Variants in FDFT1 observed in about 807,000 individuals in gnomAD.
The protein encoded by FDFT1 is farnesyl-diphosphate farnesyltransferase 1, also known as squalene synthase.
Under a neutral mutation model 46.8 loss-of-function variants are expected in FDFT1, and 68 were observed. The observed-to-expected ratio is 1.45, with a 90% confidence interval of 1.19 to 1.78. The LOEUF (loss-of-function observed/expected upper bound fraction) is 1.78. Ranked by LOEUF, FDFT1 falls within the 40% of genes most tolerant of loss-of-function variation. The pLI, the probability that FDFT1 is intolerant of heterozygous loss-of-function variation, is 0.00. For synonymous variants in FDFT1, 351 were observed against 185.1 expected, an observed-to-expected ratio of 1.90 and a Z score of -7.28; for missense variants, 928 against 524.4, an observed-to-expected ratio of 1.77 and a Z score of -7.52.
intron 4 of FDFT1, among the ~76,000 whole-genome samples, chr8:11,825,318 G>T (rs1308952461): frequency 6.6e-6 from 1 of 152,098 alleles, no homozygotes. Flanking sequence ...AAGGCTGGCA[G>T]ATCAGTTGAG....
At chr8:11,808,369 G>A in intron 1 of FDFT1, 2 of 1,235,678 alleles carry the variant, frequency 1.6e-6, no homozygotes, top group Non-Finnish European at 2.0e-6. Flanking sequence ...GGAGGCCGGG[G>A]GCGGGGCTGC....
In FDFT1 at chr8:11,802,778, G is replaced by T; in HGVS notation, c.-55G>T. ...CCACAGGTCCAGCCGGCCGGTGAGCGCCTGGGGACCGCAGAGGTGAGAGTC... is the reference window on the plus strand; with the variant it reads ...CCACAGGTCCAGCCGGCCGGTGAGCTCCTGGGGACCGCAGAGGTGAGAGTC... On this transcript the variant is annotated 5_prime_UTR_variant, in exon 1 of 8. Transcript: ENST00000220584. 3 of 1,414,710 alleles carry T rather than the reference G, an allele frequency of 2.1e-6. No individual in the cohort carries two copies. Among genetic ancestry groups the T allele is most frequent in the Non-Finnish European group, 2.0e-6 (2 of 1,015,558 alleles). The allele number at this position is 1,414,710 out of a possible 1,614,324, so 87.6% of individuals were successfully genotyped here. A position where few individuals can be genotyped will look rare whatever the true frequency, so the allele number is the denominator to read the frequency against.
chr8:11,818,851 A>G (rs1808825835), intron 3 of FDFT1, among the ~76,000 whole-genome samples: 1 of 152,152 alleles, frequency 6.6e-6, no homozygotes, highest in African/African-American at 2.4e-5. Context: ...TAGCCCACTT[A>G]TATTTAAGGT....
chr8:11,821,545 C>G (rs1001417739), intron 3 of FDFT1, among the ~76,000 whole-genome samples: 3 of 152,158 alleles, frequency 2.0e-5, no homozygotes, highest in Non-Finnish European at 2.9e-5. Context: ...GAGCTGAGAT[C>G]GTGCCATTGC....
chr8:11,821,686 TG>T, intron 3 of FDFT1, 63 bp from the exon 4 acceptor site: 1 of 1,571,446 alleles, frequency 6.4e-7, no homozygotes, highest in African/African-American at 1.3e-5. Context: ...GTTTGCCTTG[TG>T]ATCTTTGGTG....
At chr8:11,800,210 G>A (rs1324194920), upstream of FDFT1, among the ~76,000 whole-genome samples, 4 of 128,848 alleles carry the variant, frequency 3.1e-5, no homozygotes, top group Non-Finnish European at 6.2e-5. Flanking sequence ...GCAGTGAACC[G>A]AGACTGTGCC....
intron 4 of FDFT1, among the ~76,000 whole-genome samples, chr8:11,823,109 A>G (rs954839217): frequency 1.3e-5 from 2 of 152,056 alleles, no homozygotes; most frequent in Non-Finnish European, 1.5e-5. Context: ...GCATGACACC[A>G]TACCAGGCTC....
chr8:11,830,940 G>A (rs932940561), intron 6 of FDFT1, among the ~76,000 whole-genome samples: 1 of 152,212 alleles, frequency 6.6e-6, no homozygotes. Flanking sequence ...GCATTTAACT[G>A]ATTTGGGAAC....
chr8:11,800,651 A>C (rs141183060), upstream of FDFT1, among the ~76,000 whole-genome samples: 74 of 152,384 alleles, frequency 4.9e-4, 1 homozygote, highest in East Asian at 0.012. Flanking sequence ...ATGCCAGGGC[A>C]AATATTTAGG....
intron 3 of FDFT1, among the ~76,000 whole-genome samples, chr8:11,820,100 G>A (rs765741027): frequency 8.5e-5 from 13 of 152,192 alleles, no homozygotes; most frequent in African/African-American, 2.4e-4. Flanking sequence ...ACAGAGGCCC[G>A]TCAGCTGCAG....
chr8:11,835,614 A>G (rs1335629195), intron 7 of FDFT1, among the ~76,000 whole-genome samples: 1 of 152,174 alleles, frequency 6.6e-6, no homozygotes, highest in Non-Finnish European at 1.5e-5. Context: ...TTGATTCCAA[A>G]TAAGTAAATC....
chr8:11,809,323 T>C, intron 2 of FDFT1: 1 of 1,092,542 alleles, frequency 9.2e-7, no homozygotes, highest in South Asian at 3.3e-5. Flanking sequence ...GAGAAGTTAC[T>C]GTGTTTTTTG....
At chr8:11,812,897 C>G (rs1807933402) in intron 3 of FDFT1, among the ~76,000 whole-genome samples, 1 of 152,228 alleles carries the variant, frequency 6.6e-6, no homozygotes, top group Non-Finnish European at 1.5e-5. Flanking sequence ...TCATGCATCA[C>G]TTAATGAATG....
chr8:11,803,020 C>T (rs1283729461), intron 1 of FDFT1, 89 bp downstream of exon 1: 9 of 1,510,564 alleles, frequency 6.0e-6, no homozygotes, highest in East Asian at 2.5e-5. Flanking sequence ...GGATCTGGGG[C>T]AAGGGGCGCG....
At chr8:11,806,800 TTGG>T in intron 1 of FDFT1, among the ~76,000 whole-genome samples, 1 of 152,236 alleles carries the variant, frequency 6.6e-6, no homozygotes, top group South Asian at 2.1e-4. Flanking sequence ...AAGGAAGGAG[TTGG>T]TGAATTGTTT....
At chr8:11,799,821 C>G (rs939508644), upstream of FDFT1, among the ~76,000 whole-genome samples, 31 of 151,894 alleles carry the variant, frequency 2.0e-4, no homozygotes, top group African/African-American at 7.5e-4. Flanking sequence ...TGGTACATGC[C>G]TGTAGTTCCA....
chr8:11,795,628 T>A (rs1457371265), exon 1 of FDFT1: 4 of 151,382 alleles, frequency 2.6e-5, no homozygotes, highest in Non-Finnish European at 5.9e-5. Context: ...GCTTTGTTGT[T>A]TGCAATAAAT....
At chr8:11,809,879 G>T in intron 3 of FDFT1, 29 bp downstream of exon 3, 2 of 1,572,382 alleles carry the variant, frequency 1.3e-6, no homozygotes, top group African/African-American at 1.3e-5. Flanking sequence ...CTTGTCTACG[G>T]ACTGTTGTGT....
Position 11,803,521 on chromosome 8 carries a change from C to T in FDFT1, c.99+590C>T, listed in dbSNP as rs549101028. ...ATTAGCTAGGTGGTTGGTGGAAGGTCAGAACTTGGTTTTACTTAGATTTTT... is the reference window on the plus strand; with the variant it reads ...ATTAGCTAGGTGGTTGGTGGAAGGTTAGAACTTGGTTTTACTTAGATTTTT... On this transcript the variant is annotated intron_variant, in intron 1 of 7. Coordinates refer to ENST00000220584, the MANE Select transcript of FDFT1 (RefSeq NM_004462.5). 15 of 1,205,904 alleles carry T rather than the reference C, an allele frequency of 1.2e-5. No individual in the cohort carries two copies. The African/African-American group carries it at 1.9e-4, about 15-fold the overall frequency. The allele number at this position is 1,205,904 out of a possible 1,614,324, so 74.7% of individuals were successfully genotyped here. A position where few individuals can be genotyped will look rare whatever the true frequency, so the allele number is the denominator to read the frequency against.
Sources: gnomAD v4.1 joint callset for allele counts (sites outside exome capture counted in the v4.1 genomes callset) on GRCh38, gnomAD v4.1.1 for gene constraint, MANE v1.5 for transcripts, NCBI Gene and HGNC (gene_info 2026-07-23, HGNC 2026-07-21) for gene names.